SESN3: variants seen among roughly 807,000 people sequenced by gnomAD.
SESN3 encodes sestrin 3.
A neutral mutation model predicts 55.3 loss-of-function variants in SESN3; 21 were observed. That is an observed-to-expected ratio of 0.38 (90% CI 0.27 to 0.55). The LOEUF is 0.55. Among genes scored for constraint, SESN3 ranks in the 20% least tolerant of loss-of-function variants. The pLI, the probability that SESN3 is intolerant of heterozygous loss-of-function variation, is 0.76. For synonymous variants in SESN3, 181 were observed against 203.1 expected (o/e 0.89, Z 0.93); for missense variants, 408 against 604.3 (o/e 0.68, Z 3.41).
chr11:95,190,324 A>C (rs1860243440), intron 3 of SESN3, among the ~76,000 whole-genome samples: 1 of 151,928 alleles, frequency 6.6e-6, no homozygotes, highest in Non-Finnish European at 1.5e-5. Context: ...CTTACATTCT[A>C]ACAACTCAGG....
chr11:95,197,460 T>C (rs2510420), intron 1 of SESN3, among the ~76,000 whole-genome samples: 1 of 151,294 alleles, frequency 6.6e-6, no homozygotes, highest in African/African-American at 2.4e-5. Flanking sequence ...TTTTTTTTTT[T>C]TGAGACAGAG....
At chr11:95,193,408 A>T in intron 2 of SESN3, 49 bp downstream of exon 2, 1 of 1,077,926 alleles carries the variant, frequency 9.3e-7, no homozygotes, top group Non-Finnish European at 1.4e-6. Flanking sequence ...TGATACAGTT[A>T]AGTTATTTTT....
At chr11:95,194,156 A>G (rs1860317844) in intron 1 of SESN3, among the ~76,000 whole-genome samples, 1 of 151,982 alleles carries the variant, frequency 6.6e-6, no homozygotes, top group Non-Finnish European at 1.5e-5. Context: ...TTAAGTTTTT[A>G]AAAATTTGTT....
chr11:95,175,340 GCAAA>G (rs765201168), intron 9 of SESN3, among the ~76,000 whole-genome samples, 154 bp downstream of exon 9: 14 of 152,142 alleles, frequency 9.2e-5, no homozygotes, highest in Non-Finnish European at 1.6e-4. Context: ...TTCCAGCCTG[GCAAA>G]CAAACAAGCA....
At chr11:95,198,544 GTT>G (rs1839774206) in intron 1 of SESN3, among the ~76,000 whole-genome samples, 1 of 152,112 alleles carries the variant, frequency 6.6e-6, no homozygotes, top group African/African-American at 2.4e-5. Context: ...GAATAAATGA[GTT>G]TGATCATTTA....
At chr11:95,221,298 C>CA (rs1299445657) in intron 1 of SESN3, among the ~76,000 whole-genome samples, 35 of 139,198 alleles carry the variant, frequency 2.5e-4, no homozygotes, top group South Asian at 1.8e-3. Flanking sequence ...AGTGAGACTC[C>CA]AAAAAAAAAA....
intron 9 of SESN3, among the ~76,000 whole-genome samples, chr11:95,173,555 T>G (rs1763065296): frequency 6.6e-6 from 1 of 152,230 alleles, no homozygotes; most frequent in Admixed American, 6.5e-5. Flanking sequence ...AAAATTCTGA[T>G]AACTTTATTA....
intron 4 of SESN3, among the ~76,000 whole-genome samples, chr11:95,189,048 A>T (rs1468544053): frequency 6.6e-6 from 1 of 151,938 alleles, no homozygotes; most frequent in Non-Finnish European, 1.5e-5. Flanking sequence ...TAACAAGAGG[A>T]TCCAAAAACC....
intron 2 of SESN3, 145 bp downstream of exon 2, chr11:95,193,312 A>T (rs1488147692): frequency 1.7e-6 from 1 of 604,300 alleles, no homozygotes. Flanking sequence ...GCTGAAAAGA[A>T]AATATCTCCA....
At chr11:95,184,342 T>A in intron 6 of SESN3, 78 bp downstream of exon 6, 1 of 1,157,464 alleles carries the variant, frequency 8.6e-7, no homozygotes, top group Non-Finnish European at 1.3e-6. Flanking sequence ...CATTTTTACA[T>A]ATCCACATGG....
chr11:95,207,313 A>G (rs2134251043), intron 1 of SESN3, among the ~76,000 whole-genome samples: 1 of 151,646 alleles, frequency 6.6e-6, no homozygotes, highest in East Asian at 1.9e-4. Flanking sequence ...ATAGACACCC[A>G]AAGAGTAATA....
chr11:95,178,878 T>A (rs1474910236), intron 6 of SESN3, 50 bp from the exon 7 acceptor site: 3 of 1,103,202 alleles, frequency 2.7e-6, no homozygotes, highest in Non-Finnish European at 4.1e-6. Context: ...TACGTGGTTA[T>A]GACAATAAAA....
rs1339961287 is a variant in SESN3, at chr11:95,170,050, C to G, written c.*3205G>C. The G allele has an allele frequency of 6.6e-6, 1 of 152,106 alleles. No individual in the cohort carries two copies. Among genetic ancestry groups the G allele is most frequent in the Non-Finnish European group, 1.5e-5 (1 of 68,018 alleles). 9.4% of individuals were successfully genotyped at this position (152,106 alleles called of 1,614,324 possible). On this transcript the variant is annotated 3_prime_UTR_variant, in exon 10 of 10. Coordinates refer to ENST00000536441, the MANE Select transcript of SESN3 (RefSeq NM_144665.4). Reference sequence around the variant, plus strand: ...GCCATCTTTTATTTTAAAAATACCCCAAATGGGACAAATTCATACTGGGAC... The same window carrying G: ...GCCATCTTTTATTTTAAAAATACCCGAAATGGGACAAATTCATACTGGGAC...
At chr11:95,218,087 G>A (rs1860792740) in intron 1 of SESN3, among the ~76,000 whole-genome samples, 2 of 152,180 alleles carry the variant, frequency 1.3e-5, no homozygotes, top group Admixed American at 1.3e-4. Flanking sequence ...TTTATTACAT[G>A]ACACATTTCT....
chr11:95,196,108 C>T (rs778713074), intron 1 of SESN3, among the ~76,000 whole-genome samples: 55 of 152,104 alleles, frequency 3.6e-4, no homozygotes, highest in East Asian at 2.3e-3. Context: ...GTTTATATAC[C>T]GAACATAAAA....
At chr11:95,181,241 CA>C (rs1188571135) in intron 6 of SESN3, among the ~76,000 whole-genome samples, 8 of 152,062 alleles carry the variant, frequency 5.3e-5, no homozygotes, top group Admixed American at 3.3e-4. Flanking sequence ...GACTTTTAGA[CA>C]TTTTAAAATA....
chr11:95,176,937 G>A (rs1371374914), intron 8 of SESN3, among the ~76,000 whole-genome samples: 2 of 152,048 alleles, frequency 1.3e-5, no homozygotes, highest in African/African-American at 2.4e-5. Context: ...GTTATTAGGC[G>A]ATTTATCAGT....
intron 6 of SESN3, among the ~76,000 whole-genome samples, chr11:95,181,357 C>T (rs1399600870): frequency 6.6e-6 from 1 of 152,046 alleles, no homozygotes; most frequent in Admixed American, 6.5e-5. Flanking sequence ...GTTTCCTAGA[C>T]AATTTTTATT....
intron 1 of SESN3, among the ~76,000 whole-genome samples, chr11:95,216,109 A>AG (rs1860751952): frequency 7.3e-6 from 1 of 136,230 alleles, no homozygotes; most frequent in Non-Finnish European, 1.6e-5. Flanking sequence ...AAAAAAAAAA[A>AG]GAAAAAAAAA....
Sources: allele counts gnomAD v4.1 joint callset (sites outside exome capture counted in the v4.1 genomes callset), GRCh38; gene constraint gnomAD v4.1.1; transcripts MANE v1.5; gene names NCBI Gene and HGNC (gene_info 2026-07-23, HGNC 2026-07-21).